Variants in MGST2 observed in about 807,000 individuals in gnomAD.
MGST2 encodes glutathione peroxidase MGST2.
Under a neutral mutation model 16.6 loss-of-function variants are expected in MGST2, and 9 were observed. That is an observed-to-expected ratio of 0.54 (90% CI 0.33 to 0.95). The LOEUF is 0.95. Ranked by LOEUF, MGST2 falls within the 40% of genes least tolerant of loss-of-function variation. The pLI is 0.03. For missense variants in MGST2, 159 were observed against 175.1 expected (o/e 0.91, Z 0.52); for synonymous variants, 79 against 68.0 (o/e 1.16, Z -0.79).
chr4:139,682,880 A>G (rs537107625), intron 2 of MGST2, among the ~76,000 whole-genome samples: 23 of 152,090 alleles, frequency 1.5e-4, no homozygotes, highest in African/African-American at 5.5e-4. Flanking sequence ...AAGAAAAAAA[A>G]AAAAAGAAAC....
Position 139,715,262 on chromosome 4 carries a change from G to A in MGST2, c.*48+11066G>A. ...TACCCAAAGTCTTCCAATCAGTGCT[G>A]CAGTCTATTTCCTTTGTGTTAGGGG... is the stretch of plus-strand genomic sequence containing the variant. On this transcript the variant is annotated intron_variant, in intron 5 of 5. Coordinates refer to the MGST2 transcript ENST00000616265. The surrounding 1 kb of genome is among the most constrained non-coding windows in gnomAD (Gnocchi z 4.4). Among the ~76,000 whole-genome samples the A allele has an allele frequency of 6.6e-6, 1 of 152,188 alleles. No individual in the cohort carries two copies. The highest frequency in any genetic ancestry group is 1.9e-4 in the East Asian group (1 of 5,196).
intron 2 of MGST2, 135 bp downstream of exon 2, chr4:139,678,777 C>G: frequency 2.7e-6 from 2 of 748,850 alleles, no homozygotes; most frequent in Non-Finnish European, 4.7e-6. Flanking sequence ...CTCTTCACAG[C>G]CAAGACCGTT....
chr4:139,670,481 C>T (rs866099123), intron 1 of MGST2, among the ~76,000 whole-genome samples: 5 of 152,056 alleles, frequency 3.3e-5, no homozygotes, highest in African/African-American at 9.7e-5. Context: ...TCTATTGGTT[C>T]GGCCCCAAAA....
the MGST2 span, among the ~76,000 whole-genome samples, chr4:139,746,305 T>C: frequency 6.6e-6 from 1 of 152,366 alleles, no homozygotes; most frequent in South Asian, 2.1e-4. Flanking sequence ...AATTCATCAG[T>C]ACACAACCAG....
Position 139,703,518 on chromosome 4 carries a change from C to T in MGST2, c.293C>T (p.Ser98Leu). The T allele has an allele frequency of 6.2e-7, 1 of 1,613,752 alleles. No homozygotes were observed. Among genetic ancestry groups the T allele is most frequent in the East Asian group, 2.2e-5 (1 of 44,850 alleles). Residue 98 changes from serine to leucine, a missense_variant, in exon 4 of 5, where the codon TCA becomes TTA. Coordinates refer to ENST00000265498, the MANE Select transcript of MGST2 (RefSeq NM_002413.5). ...YGRHLYFWGY[S>L]EAAKKRITGF... ...CGTCACCTATACTTCTGGGGATATT[C>T]AGAAGCTGCTAAAAAACGGTAAGGA...
intron 2 of MGST2, chr4:139,685,572 C>T (rs562060130): frequency 6.6e-6 from 1 of 152,242 alleles, no homozygotes; most frequent in African/African-American, 2.4e-5. Context: ...AACAGGAAGT[C>T]ATCATGATAC....
rs139123354 is a variant in MGST2 at position 139,703,501 on chromosome 4, A to T, written c.276A>T (p.Leu92=). ...TGGTGTACATATATGGCCGTCACCT[A>T]TACTTCTGGGGATATTCAGAAGCTG... ...LGLVYIYGRH[L]YFWGYSEAAK... is the part of the protein sequence containing the mutation. The change falls in exon 4 of 5, where the codon CTA becomes CTT. Residue 92 remains leucine, a synonymous_variant. Coordinates refer to ENST00000265498, the MANE Select transcript of MGST2 (RefSeq NM_002413.5). 21 of 1,613,778 alleles carry T rather than the reference A, an allele frequency of 1.3e-5. No individual in the cohort carries two copies. The highest frequency in any genetic ancestry group is 1.6e-5 in the Non-Finnish European group (19 of 1,179,984).
At chr4:139,754,169 A>ATAT in the MGST2 span, among the ~76,000 whole-genome samples, 1 of 152,238 alleles carries the variant, frequency 6.6e-6, no homozygotes, top group African/African-American at 2.4e-5. Context: ...AATGCAAACA[A>ATAT]TATTACTATG....
downstream of MGST2, among the ~76,000 whole-genome samples, chr4:139,707,627 C>T (rs1727571323): frequency 6.6e-6 from 1 of 150,516 alleles, no homozygotes; most frequent in Non-Finnish European, 1.5e-5. Context: ...TGAGGAATCG[C>T]CACACTGACT....
chr4:139,754,154 T>A, the MGST2 span, among the ~76,000 whole-genome samples: 1 of 152,248 alleles, frequency 6.6e-6, no homozygotes, highest in African/African-American at 2.4e-5. Flanking sequence ...CTTGAACAAG[T>A]GCATAATGCA....
intron 5 of MGST2, among the ~76,000 whole-genome samples, chr4:139,726,685 A>C (rs558790914): frequency 6.6e-6 from 1 of 151,834 alleles, no homozygotes; most frequent in Non-Finnish European, 1.5e-5. Context: ...CTCTACATGT[A>C]AACTATTCAG....
At chr4:139,708,277 A>G (rs1257863724), downstream of MGST2, among the ~76,000 whole-genome samples, 2 of 152,240 alleles carry the variant, frequency 1.3e-5, no homozygotes, top group South Asian at 2.1e-4. Flanking sequence ...AGCTTTCTAC[A>G]TATGGCTAGC....
chr4:139,749,699 C>T, the MGST2 span, among the ~76,000 whole-genome samples: 1 of 152,168 alleles, frequency 6.6e-6, no homozygotes, highest in African/African-American at 2.4e-5. Context: ...ATTCACAGAC[C>T]CGCGGTGGCA....
rs375813125 is a variant in MGST2, at chr4:139,671,842, G to A, written c.58+5765G>A. Among the ~76,000 whole-genome samples the A allele has an allele frequency of 7.9e-5, 12 of 151,952 alleles. No homozygotes were observed. The South Asian group carries it at 8.3e-4, about 11-fold the overall frequency. On this transcript the variant is annotated intron_variant, in intron 1 of 4. Coordinates refer to ENST00000265498, the MANE Select transcript of MGST2 (RefSeq NM_002413.5). ...TTTTTAGTAGAGATGGGGTTTCACC[G>A]TGTGGGCCAGGCTGGTCTTGATCAC...
chr4:139,711,608 T>TTTGCTGGATTTTGGCC (rs1727744443), intron 5 of MGST2, among the ~76,000 whole-genome samples: 1 of 152,152 alleles, frequency 6.6e-6, no homozygotes, highest in Non-Finnish European at 1.5e-5. Context: ...CCATTTTGGT[T>TTTGCTGGATTTTGGCC]TTGCTGGATT....
chr4:139,676,587 G>A (rs1730970294), intron 1 of MGST2, among the ~76,000 whole-genome samples: 1 of 152,150 alleles, frequency 6.6e-6, no homozygotes, highest in Admixed American at 6.5e-5. Context: ...CCACATTAAG[G>A]AGGGTAATCT....
At chr4:139,746,403 G>A in the MGST2 span, among the ~76,000 whole-genome samples, 1 of 152,070 alleles carries the variant, frequency 6.6e-6, no homozygotes, top group Non-Finnish European at 1.5e-5. Context: ...CTTGGAGACT[G>A]AGTGTCTTCT....
chr4:139,747,989 G>A, the MGST2 span, among the ~76,000 whole-genome samples: 1 of 149,516 alleles, frequency 6.7e-6, no homozygotes, highest in Non-Finnish European at 1.5e-5. Flanking sequence ...GGGAGGTGGA[G>A]GTTGCAGTGA....
chr4:139,744,414 C>T (rs1427148882), downstream of MGST2, among the ~76,000 whole-genome samples: 1 of 152,134 alleles, frequency 6.6e-6, no homozygotes, highest in Non-Finnish European at 1.5e-5. Flanking sequence ...ATACCACCCC[C>T]CAGGAGCATG....
Sources: gnomAD v4.1 joint callset for allele counts (sites outside exome capture counted in the v4.1 genomes callset) on GRCh38, gnomAD v4.1.1 for gene constraint, Gnocchi (gnomAD v3.1) non-coding constraint, MANE v1.5 for transcripts, NCBI Gene and HGNC (gene_info 2026-07-23, HGNC 2026-07-21) for gene names.